The following MEF2C variants were observed in gnomAD, a reference collection of about 807,000 sequenced individuals.
MEF2C encodes the protein myocyte enhancer factor 2C, also known as myocyte-specific enhancer factor 2C.
A neutral mutation model predicts 50.5 loss-of-function variants in MEF2C; 6 were observed. The ratio of observed to expected loss-of-function variants is 0.12; its 90% CI spans 0.07 to 0.23. MEF2C has a LOEUF of 0.23. Ranked by LOEUF, MEF2C falls within the 10% of genes least tolerant of loss-of-function variation. The pLI is 1.00. For missense variants in MEF2C, 276 were observed against 605.0 expected, an observed-to-expected ratio of 0.46 and a Z score of 5.70; for synonymous variants, 183 against 228.0, an observed-to-expected ratio of 0.80 and a Z score of 1.78.
intron 3 of MEF2C, among the ~76,000 whole-genome samples, chr5:88,795,046 C>A (rs961529243): frequency 6.6e-6 from 1 of 152,064 alleles, no homozygotes; most frequent in Non-Finnish European, 1.5e-5. Flanking sequence ...GTTGCTTTAG[C>A]CTTGTGGTAT....
chr5:88,875,745 A>G (rs112535397), intron 1 of MEF2C, among the ~76,000 whole-genome samples: 45 of 152,126 alleles, frequency 3.0e-4, no homozygotes, highest in African/African-American at 1.1e-3. Flanking sequence ...CCTATTTCCC[A>G]GGAAGAAGGC....
At chr5:88,831,881 G>A (rs1813205993) in intron 1 of MEF2C, among the ~76,000 whole-genome samples, 1 of 152,012 alleles carries the variant, frequency 6.6e-6, no homozygotes, top group African/African-American at 2.4e-5. Context: ...CTTCTTATAA[G>A]GAGAATTAAA....
chr5:88,863,824 C>CTTT (rs369890636), intron 1 of MEF2C, among the ~76,000 whole-genome samples: 2 of 142,634 alleles, frequency 1.4e-5, no homozygotes, highest in Non-Finnish European at 3.1e-5. Context: ...ATTTCTTTTT[C>CTTT]TTTTTTTTTT....
chr5:88,826,889 A>G (rs1230461200), intron 1 of MEF2C: 14 of 146,400 alleles, frequency 9.6e-5, no homozygotes, highest in African/African-American at 3.3e-4. Flanking sequence ...ACAGAGCTAC[A>G]TATAAATAAT....
intron 3 of MEF2C, among the ~76,000 whole-genome samples, chr5:88,764,126 G>GA (rs1484423061): frequency 6.6e-6 from 1 of 152,148 alleles, no homozygotes; most frequent in East Asian, 1.9e-4. Flanking sequence ...CAAGGGTGAG[G>GA]AGAGGCCTAT....
At chr5:88,798,138 G>A (rs1796776436) in intron 3 of MEF2C, among the ~76,000 whole-genome samples, 1 of 152,018 alleles carries the variant, frequency 6.6e-6, no homozygotes, top group East Asian at 1.9e-4. Context: ...TCTTTTTGAG[G>A]AGTATCTTGT....
Position 88,760,919 on chromosome 5 carries a change from C to T in MEF2C, c.402+266G>A. 9 of 1,504,364 alleles carry T rather than the reference C, an allele frequency of 6.0e-6. 1 individual carries two copies. In the South Asian group the frequency reaches 1.0e-4, roughly 18 times the overall value. The allele number at this position is 1,504,364 out of a possible 1,614,324, so 93.2% of individuals were successfully genotyped here. A position where few individuals can be genotyped will look rare whatever the true frequency, so the allele number is the denominator to read the frequency against. ...TCCGAAGAGTCTTAGAGAAAGCCAT[C>T]ACTGAGAGGGTTAAGGTATGTTACT... On this transcript the variant is annotated intron_variant, in intron 4 of 10. Coordinates refer to ENST00000504921, the MANE Select transcript of MEF2C (RefSeq NM_002397.5).
chr5:88,729,505 A>G lies in MEF2C; in HGVS notation c.835-158T>C, dbSNP rs560962759. On this transcript the variant is annotated intron_variant, in intron 8 of 10. Coordinates refer to ENST00000504921, the MANE Select transcript of MEF2C (RefSeq NM_002397.5). ...CTCTATGAACTCTGCCAACCCTATC[A>G]TTTACAATCCTTCAAGAGACCAGCT... 375 of 685,252 alleles carry G rather than the reference A, an allele frequency of 5.5e-4. 4 individuals carry two copies. Among genetic ancestry groups the G allele is most frequent in the South Asian group, 4.2e-3 (220 of 52,808 alleles). The allele number at this position is 685,252 out of a possible 1,614,324, so 42.4% of individuals were successfully genotyped here. A position where few individuals can be genotyped will look rare whatever the true frequency, so the allele number is the denominator to read the frequency against.
At chr5:88,782,320 G>A in intron 3 of MEF2C, 3 of 257,278 alleles carry the variant, frequency 1.2e-5, no homozygotes, top group Non-Finnish European at 1.8e-5. Context: ...ACAAAAATTC[G>A]TTGGGTGTGG....
At chr5:88,883,818 C>T (rs1321941563), upstream of MEF2C, 3 of 152,200 alleles carry the variant, frequency 2.0e-5, no homozygotes, top group Non-Finnish European at 2.9e-5. Flanking sequence ...CAGCTCCCTC[C>T]TCACCCCTCC....
chr5:88,759,203 C>T (rs1418798308), intron 4 of MEF2C, among the ~76,000 whole-genome samples: 2 of 151,950 alleles, frequency 1.3e-5, no homozygotes, highest in Non-Finnish European at 2.9e-5. Flanking sequence ...GCCCAAATGG[C>T]GTGGCGCAGT....
chr5:88,744,422 G>A (rs555034989), intron 6 of MEF2C, among the ~76,000 whole-genome samples: 9 of 152,252 alleles, frequency 5.9e-5, no homozygotes, highest in Middle Eastern at 3.4e-3. Flanking sequence ...GCATGGCAGC[G>A]TGCACCTGTA....
At chr5:88,854,844 A>T (rs1041009542) in intron 1 of MEF2C, among the ~76,000 whole-genome samples, 1 of 152,230 alleles carries the variant, frequency 6.6e-6, no homozygotes, top group Non-Finnish European at 1.5e-5. Flanking sequence ...ACAAAAGTTG[A>T]TATTTTTCTA....
At chr5:88,748,776 C>G (rs1042774794) in intron 6 of MEF2C, 2 of 985,340 alleles carry the variant, frequency 2.0e-6, no homozygotes, top group Non-Finnish European at 2.4e-6. Context: ...GCTAAAGGTA[C>G]TCTTGTGTCC....
chr5:88,887,957 T>A (rs1245141220), upstream of MEF2C, among the ~76,000 whole-genome samples: 1 of 152,248 alleles, frequency 6.6e-6, no homozygotes, highest in Non-Finnish European at 1.5e-5. Flanking sequence ...TTTCTGTACC[T>A]TCAGTTTTAT....
chr5:88,833,715 A>G (rs1813927532), intron 1 of MEF2C, among the ~76,000 whole-genome samples: 1 of 152,168 alleles, frequency 6.6e-6, no homozygotes, highest in Non-Finnish European at 1.5e-5. Flanking sequence ...AATCAAAACT[A>G]TGCATTTAAA....
In MEF2C at chr5:88,843,508, T is replaced by C. The variant is rs1818184166; in HGVS notation, c.-142-19578A>G. ...CACAATTACATTTAAACTACATTTTTCATGTGTCTGAAATTCAAGTTTTAT... is the reference window on the plus strand; with the variant it reads ...CACAATTACATTTAAACTACATTTTCCATGTGTCTGAAATTCAAGTTTTAT... On this transcript the variant is annotated intron_variant, in intron 1 of 10. Transcript: ENST00000504921. 9.2e-6 allele frequency: 9 copies of C among 981,594 alleles called. No homozygotes were observed. The Admixed American group carries it at 5.5e-4, about 60-fold the overall frequency. The allele number at this position is 981,594 out of a possible 1,614,324, so 60.8% of individuals were successfully genotyped here. A position where few individuals can be genotyped will look rare whatever the true frequency, so the allele number is the denominator to read the frequency against.
chr5:88,894,363 A>G (rs1035585062), intron 1 of MEF2C, among the ~76,000 whole-genome samples: 6 of 152,206 alleles, frequency 3.9e-5, no homozygotes, highest in Non-Finnish European at 7.3e-5. Context: ...TATAGTGATA[A>G]TATAATAGAT....
chr5:88,794,108 T>C (rs1395566438), intron 3 of MEF2C, among the ~76,000 whole-genome samples: 1 of 152,220 alleles, frequency 6.6e-6, no homozygotes, highest in Non-Finnish European at 1.5e-5. Context: ...TAAACATACA[T>C]GTGCATGTGT....
Sources: gnomAD v4.1 joint callset for allele counts (sites outside exome capture counted in the v4.1 genomes callset) on GRCh38, gnomAD v4.1.1 for gene constraint, MANE v1.5 for transcripts, NCBI Gene and HGNC (gene_info 2026-07-23, HGNC 2026-07-21) for gene names.